The following TRDMT1 variants were observed in gnomAD, a reference collection of about 807,000 sequenced individuals.
The protein encoded by TRDMT1 is tRNA aspartic acid methyltransferase 1, also known as tRNA (cytosine(38)-C(5))-methyltransferase.
A neutral mutation model predicts 51.2 loss-of-function variants in TRDMT1; 49 were observed. That is an observed-to-expected ratio of 0.96 (90% CI 0.76 to 1.21). The LOEUF is 1.21. TRDMT1 is among the 50% of genes most tolerant of loss of function. The pLI is 0.00. For missense variants in TRDMT1, 534 were observed against 462.3 expected (o/e 1.16, Z -1.42); for synonymous variants, 187 against 164.6 (o/e 1.14, Z -1.04).
intron 3 of TRDMT1, among the ~76,000 whole-genome samples, chr10:17,165,958 T>G (rs1183747864): frequency 6.7e-6 from 1 of 148,418 alleles, no homozygotes; most frequent in Admixed American, 6.8e-5. Flanking sequence ...TGGAAGTCAG[T>G]GTGGGGATTC....
chr10:17,144,532 T>A lies in TRDMT1; in HGVS notation c.*4508A>T, dbSNP rs1283846559. 2 of 985,848 alleles carry A rather than the reference T, an allele frequency of 2.0e-6. No individual in the cohort carries two copies. Among genetic ancestry groups the A allele is most frequent in the Non-Finnish European group, 2.4e-6 (2 of 829,930 alleles). 61.1% of individuals were successfully genotyped at this position (985,848 alleles called of 1,614,324 possible). ...ACTTGAGGGAGACTTCAGTAAGTGC[T>A]GGATGTGGCTGAAAGTAAGACTCAG... On this transcript the variant is annotated 3_prime_UTR_variant, in exon 11 of 11. Transcript: ENST00000377799.
At chr10:17,201,083 A>G (rs1846090672) in intron 1 of TRDMT1, among the ~76,000 whole-genome samples, 1 of 152,148 alleles carries the variant, frequency 6.6e-6, no homozygotes. Flanking sequence ...CATCCTATTT[A>G]GCATTCGCAA....
rs7081790 is a variant in TRDMT1 at position 17,142,972 on chromosome 10, A to G, written c.*6068T>C. 967,866 of 984,646 alleles carry G rather than the reference A, an allele frequency of 0.98. 476,453 individuals are homozygous for G. The highest frequency in any genetic ancestry group is 0.99 in the Non-Finnish European group (825,049 of 829,270). The allele number at this position is 984,646 out of a possible 1,614,324, so 61.0% of individuals were successfully genotyped here. A position where few individuals can be genotyped will look rare whatever the true frequency, so the allele number is the denominator to read the frequency against. On this transcript the variant is annotated 3_prime_UTR_variant, in exon 11 of 11. Coordinates refer to ENST00000377799, the MANE Select transcript of TRDMT1 (RefSeq NM_004412.7). The stretch of plus-strand genomic sequence containing the variant: ...AAATCTACACTCTCTTGTCAAGACC[A>G]GAAGTCAGAATACAGTATTTTAAAA...
At chr10:17,185,430 G>T (rs907157506) in intron 1 of TRDMT1, among the ~76,000 whole-genome samples, 1 of 152,174 alleles carries the variant, frequency 6.6e-6, no homozygotes, top group Non-Finnish European at 1.5e-5. Context: ...ACAGGTGCTG[G>T]AGAGGATGTG....
In TRDMT1 at chr10:17,161,505, C is replaced by A; in HGVS notation, c.367G>T (p.Gly123Cys). ...PKYILLENVK[G>C]FEVSSTRDLL... is the part of the protein sequence containing the mutation. ...TACCTTGTAGAAGATACTTCAAAAC[C>A]TTTAACATTTTCCAAAAGAATATAC... The change falls in exon 5 of 11, where the codon GGT (glycine) becomes TGT (cysteine). Residue 123 changes from glycine to cysteine, a missense_variant. Transcript: ENST00000377799. 1 of 1,359,264 alleles carries A rather than the reference C, an allele frequency of 7.4e-7. No individual in the cohort carries two copies. The highest frequency in any genetic ancestry group is 9.9e-7 in the Non-Finnish European group (1 of 1,006,522). The allele number at this position is 1,359,264 out of a possible 1,614,324, so 84.2% of individuals were successfully genotyped here. A position where few individuals can be genotyped will look rare whatever the true frequency, so the allele number is the denominator to read the frequency against.
At chr10:17,189,647 T>C (rs61841802) in intron 1 of TRDMT1, among the ~76,000 whole-genome samples, 20,795 of 152,214 alleles carry the variant, frequency 0.14, 1,515 homozygotes, top group Admixed American at 0.17. Flanking sequence ...GAAATTATTC[T>C]GGTACTTTAT....
chr10:17,177,418 T>C lies in TRDMT1; in HGVS notation c.65-2758A>G, dbSNP rs553557601. 1.3e-4 allele frequency among the ~76,000 whole-genome samples: 20 copies of C among 152,080 alleles called. 1 individual carries two copies. Among genetic ancestry groups the C allele is most frequent in the African/African-American group, 4.3e-4 (18 of 41,494 alleles). On this transcript the variant is annotated intron_variant, in intron 1 of 10. Coordinates refer to ENST00000377799, the MANE Select transcript of TRDMT1 (RefSeq NM_004412.7). Reference sequence around the variant, plus strand: ...GGTTTCACCATATTGGCCAGGCTGGTCTCAAACTCCTAACCTCAAGTGATC... The same window carrying C: ...GGTTTCACCATATTGGCCAGGCTGGCCTCAAACTCCTAACCTCAAGTGATC...
chr10:17,160,104 G>C (rs1468758470), intron 6 of TRDMT1, among the ~76,000 whole-genome samples: 1 of 151,942 alleles, frequency 6.6e-6, no homozygotes, highest in Non-Finnish European at 1.5e-5. Context: ...CTATATAATT[G>C]TTTTTCATAA....
chr10:17,201,078 T>C (rs1166759385), intron 1 of TRDMT1, among the ~76,000 whole-genome samples: 1 of 152,194 alleles, frequency 6.6e-6, no homozygotes, highest in African/African-American at 2.4e-5. Context: ...TCTACCATCC[T>C]ATTTAGCATT....
rs1041151972 is a variant in TRDMT1 at position 17,146,656 on chromosome 10, G to A, written c.*2384C>T. On this transcript the variant is annotated 3_prime_UTR_variant, in exon 11 of 11. Transcript: ENST00000377799. The stretch of plus-strand genomic sequence containing the variant: ...GAAAAATCGGTTTACTGTAAGGTAT[G>A]GTGAAGACTGAATTACACATAGTTC... The A allele has an allele frequency of 1.0e-6, 1 of 985,182 alleles. No homozygotes were observed. Among genetic ancestry groups the A allele is most frequent in the African/African-American group, 1.7e-5 (1 of 57,214 alleles). 61.0% of individuals were successfully genotyped at this position (985,182 alleles called of 1,614,324 possible). A position where few individuals can be genotyped will look rare whatever the true frequency, so the allele number is the denominator to read the frequency against.
At chr10:17,181,627 AT>A (rs1255209632) in intron 1 of TRDMT1, among the ~76,000 whole-genome samples, 1 of 152,152 alleles carries the variant, frequency 6.6e-6, no homozygotes, top group East Asian at 1.9e-4. Context: ...CTGAACTTAT[AT>A]GATTATCTAT....
intron 3 of TRDMT1, among the ~76,000 whole-genome samples, chr10:17,164,019 A>G (rs990746814): frequency 1.8e-4 from 28 of 152,174 alleles, no homozygotes; most frequent in African/African-American, 5.8e-4. Context: ...CTCATTTTAT[A>G]AGGCCAGCAT....
At chr10:17,151,076 T>C (rs1219576946) in intron 10 of TRDMT1, 32 of 866,022 alleles carry the variant, frequency 3.7e-5, no homozygotes, top group South Asian at 5.3e-5. Flanking sequence ...TGCAAAAGCA[T>C]TGCAGTTTTT....
Position 17,141,553 on chromosome 10 carries a change from C to A in TRDMT1, c.*7487G>T, listed in dbSNP as rs553336043. 6.6e-6 allele frequency among the ~76,000 whole-genome samples: 1 copy of A among 152,208 alleles called. No individual in the cohort carries two copies. Among genetic ancestry groups the A allele is most frequent in the African/African-American group, 2.4e-5 (1 of 41,526 alleles). On this transcript the variant is annotated 3_prime_UTR_variant, in exon 11 of 11. Coordinates refer to ENST00000377799, the MANE Select transcript of TRDMT1 (RefSeq NM_004412.7). ...CCATTTTTTTCCCCTCTACTTCTGG[C>A]ACCCCAAACATATAAATGTTGGTTC...
At position 17,145,797 on chromosome 10, in the gene TRDMT1, T is replaced by C. The variant is rs370148606; in HGVS notation, c.*3243A>G. 1.7e-4 allele frequency: 163 copies of C among 985,484 alleles called. No homozygotes were observed. The highest frequency in any genetic ancestry group is 1.6e-3 in the Middle Eastern group (3 of 1,914). The allele number at this position is 985,484 out of a possible 1,614,324, so 61.0% of individuals were successfully genotyped here. Reference sequence around the variant, plus strand: ...ACTTTGGTTTGGATGCAGATGCAGCTGGCCTGCAGAATGCATCCTTTAGTA... The same window carrying C: ...ACTTTGGTTTGGATGCAGATGCAGCCGGCCTGCAGAATGCATCCTTTAGTA... On this transcript the variant is annotated 3_prime_UTR_variant, in exon 11 of 11. Transcript: ENST00000377799.
intron 1 of TRDMT1, among the ~76,000 whole-genome samples, chr10:17,177,019 T>C (rs1415477939): frequency 2.0e-5 from 3 of 152,174 alleles, no homozygotes; most frequent in Non-Finnish European, 2.9e-5. Context: ...TATCTTTTCA[T>C]TGAAACAGAG....
intron 1 of TRDMT1, among the ~76,000 whole-genome samples, chr10:17,194,151 T>C (rs1424233705): frequency 6.6e-6 from 1 of 152,040 alleles, no homozygotes; most frequent in African/African-American, 2.4e-5. Flanking sequence ...TATACAAAAA[T>C]TAACTCAAGA....
chr10:17,168,722 C>T, intron 3 of TRDMT1, 119 bp downstream of exon 3: 1 of 667,460 alleles, frequency 1.5e-6, no homozygotes, highest in Non-Finnish European at 2.5e-6. Flanking sequence ...TTTCCCTAGC[C>T]ACATGGAACT....
chr10:17,166,236 T>C (rs573775881), intron 3 of TRDMT1, among the ~76,000 whole-genome samples: 2 of 152,060 alleles, frequency 1.3e-5, no homozygotes, highest in South Asian at 4.2e-4. Flanking sequence ...TGGATGAAGC[T>C]GGAAACCATC....
Sources: gnomAD v4.1 joint callset for allele counts (sites outside exome capture counted in the v4.1 genomes callset) on GRCh38, gnomAD v4.1.1 for gene constraint, MANE v1.5 for transcripts, NCBI Gene and HGNC (gene_info 2026-07-23, HGNC 2026-07-21) for gene names.